HTR4: variants seen among roughly 807,000 people sequenced by gnomAD.
HTR4 encodes 5-hydroxytryptamine (serotonin) receptor 4, G protein-coupled.
In HTR4, 16 loss-of-function variants were observed where a neutral mutation model predicts 36.8. That is an observed-to-expected ratio of 0.43 (90% CI 0.29 to 0.66). The LOEUF is 0.66. Among genes scored for constraint, HTR4 ranks in the 30% least tolerant of loss-of-function variants. HTR4 has a pLI of 0.13. For missense variants in HTR4, 438 were observed against 490.9 expected (o/e 0.89, Z 1.02); for synonymous variants, 189 against 185.1 (o/e 1.02, Z -0.17).
At chr5:148,486,714 T>C (rs1756175761) in intron 6 of HTR4, among the ~76,000 whole-genome samples, 1 of 152,228 alleles carries the variant, frequency 6.6e-6, no homozygotes, top group Admixed American at 6.5e-5. Context: ...ATTCTATTGT[T>C]AGTATCTGAT....
intron 6 of HTR4, among the ~76,000 whole-genome samples, chr5:148,495,868 T>G (rs1756661031): frequency 6.6e-6 from 1 of 152,110 alleles, no homozygotes; most frequent in Admixed American, 6.5e-5. Flanking sequence ...CTTGGGAGGC[T>G]GAGGCGGGTG....
chr5:148,500,617 C>T (rs1239257513), intron 6 of HTR4, among the ~76,000 whole-genome samples: 3 of 151,160 alleles, frequency 2.0e-5, no homozygotes, highest in South Asian at 2.1e-4. Context: ...TCTATGACAC[C>T]AGATGAATAT....
At chr5:148,497,894 A>G (rs1756758463) in intron 6 of HTR4, among the ~76,000 whole-genome samples, 1 of 152,252 alleles carries the variant, frequency 6.6e-6, no homozygotes, top group Non-Finnish European at 1.5e-5. Context: ...CTATATTTAG[A>G]AGACTATGTA....
chr5:148,581,952 T>G (rs1308572961), intron 2 of HTR4, among the ~76,000 whole-genome samples: 2 of 152,140 alleles, frequency 1.3e-5, no homozygotes, highest in African/African-American at 4.8e-5. Flanking sequence ...ACATAGAATG[T>G]ATTTTTGGGA....
intron 6 of HTR4, among the ~76,000 whole-genome samples, chr5:148,483,986 A>T (rs1178563008): frequency 2.0e-5 from 3 of 150,792 alleles, no homozygotes; most frequent in Non-Finnish European, 4.4e-5. Context: ...TATTTGAGCC[A>T]AAATATAAAC....
chr5:148,568,219 G>A (rs894038184), intron 2 of HTR4, among the ~76,000 whole-genome samples: 1 of 152,016 alleles, frequency 6.6e-6, no homozygotes, highest in Non-Finnish European at 1.5e-5. Flanking sequence ...GAACTCAGTT[G>A]AATTGTTTCT....
Position 148,482,907 on chromosome 5 carries a change from T to C in HTR4, c.*296A>G, listed in dbSNP as rs199893908. ...CGTGAGTGAGACAGATCAGACACAG[T>C]GAGTGACGGGAACATGTCAGAGACA... On this transcript the variant is annotated 3_prime_UTR_variant, in exon 7 of 7. Coordinates refer to ENST00000377888, the MANE Select transcript of HTR4 (RefSeq NM_000870.7). The C allele has an allele frequency of 7.7e-6, 10 of 1,292,850 alleles. No homozygotes were observed. The highest frequency in any genetic ancestry group is 9.9e-6 in the Non-Finnish European group (10 of 1,010,512). The allele number at this position is 1,292,850 out of a possible 1,614,324, so 80.1% of individuals were successfully genotyped here.
intron 4 of HTR4, among the ~76,000 whole-genome samples, chr5:148,538,573 T>C (rs1489392491): frequency 2.0e-5 from 3 of 151,970 alleles, no homozygotes; most frequent in Non-Finnish European, 4.4e-5. Context: ...CATTCCTATA[T>C]ACCTACGACA....
At chr5:148,614,405 A>G (rs1752575813) in intron 2 of HTR4, among the ~76,000 whole-genome samples, 1 of 152,342 alleles carries the variant, frequency 6.6e-6, no homozygotes, top group Admixed American at 6.5e-5. Context: ...GATCTTTGAC[A>G]AACTTGAGAA....
intron 1 of HTR4, among the ~76,000 whole-genome samples, chr5:148,640,337 A>C (rs1010751557): frequency 6.6e-6 from 1 of 152,204 alleles, no homozygotes; most frequent in African/African-American, 2.4e-5. Flanking sequence ...TGATGAACAC[A>C]TAAGCAGGGC....
intron 1 of HTR4, among the ~76,000 whole-genome samples, chr5:148,651,262 C>T (rs1202555212): frequency 1.3e-5 from 2 of 152,238 alleles, no homozygotes; most frequent in African/African-American, 4.8e-5. Flanking sequence ...GCATGTTGAG[C>T]ATTCCCAGGC....
chr5:148,487,455 C>T (rs931316782), intron 6 of HTR4, among the ~76,000 whole-genome samples: 1 of 152,072 alleles, frequency 6.6e-6, no homozygotes, highest in Admixed American at 6.6e-5. Context: ...CTTGCTAAGT[C>T]ATCTTTCTCA....
At chr5:148,494,498 CTA>C (rs1561577144) in intron 6 of HTR4, among the ~76,000 whole-genome samples, 1 of 152,114 alleles carries the variant, frequency 6.6e-6, no homozygotes, top group Non-Finnish European at 1.5e-5. Flanking sequence ...CACTTTTTTT[CTA>C]TGTTTACATT....
At chr5:148,519,594 T>C (rs1757917393) in intron 5 of HTR4, among the ~76,000 whole-genome samples, 1 of 152,196 alleles carries the variant, frequency 6.6e-6, no homozygotes, top group African/African-American at 2.4e-5. Flanking sequence ...AGAATTTATT[T>C]GTAACCTCCT....
chr5:148,522,032 GT>G (rs1758043924), intron 5 of HTR4, among the ~76,000 whole-genome samples: 1 of 152,076 alleles, frequency 6.6e-6, no homozygotes, highest in Admixed American at 6.6e-5. Flanking sequence ...TATGGGGGTG[GT>G]TTCCCCCATA....
At chr5:148,498,701 G>A (rs905108917) in intron 6 of HTR4, among the ~76,000 whole-genome samples, 2 of 152,176 alleles carry the variant, frequency 1.3e-5, no homozygotes, top group African/African-American at 4.8e-5. Context: ...CCAAGTTGAA[G>A]AAATGTGAAA....
intron 5 of HTR4, chr5:148,521,084 T>G: frequency 7.9e-7 from 1 of 1,259,078 alleles, no homozygotes; most frequent in Non-Finnish European, 1.1e-6. Flanking sequence ...TTCCCACATC[T>G]CGATGTATCC....
chr5:148,587,697 G>T (rs891025222), intron 2 of HTR4, among the ~76,000 whole-genome samples: 1 of 152,124 alleles, frequency 6.6e-6, no homozygotes, highest in Non-Finnish European at 1.5e-5. Context: ...TCCAAGCAGG[G>T]TGTGTGGGGA....
At chr5:148,484,341 T>C in intron 6 of HTR4, 11 of 1,613,282 alleles carry the variant, frequency 6.8e-6, no homozygotes, top group Non-Finnish European at 9.3e-6. Flanking sequence ...CTTTGTCCAA[T>C]ACCTTGCTAA....
Sources: gnomAD v4.1 joint callset for allele counts (sites outside exome capture counted in the v4.1 genomes callset) on GRCh38, gnomAD v4.1.1 for gene constraint, MANE v1.5 for transcripts, NCBI Gene and HGNC (gene_info 2026-07-23, HGNC 2026-07-21) for gene names.